The following FCSK variants were observed in gnomAD, a reference collection of about 807,000 sequenced individuals.
FCSK encodes the protein fucose kinase.
FCSK carries 123 observed loss-of-function variants against 122.5 expected under a neutral mutation model. The ratio of observed to expected loss-of-function variants is 1.00; its 90% CI spans 0.87 to 1.17. The LOEUF (loss-of-function observed/expected upper bound fraction) is 1.17. FCSK is among the 50% of genes most tolerant of loss of function. The pLI is 0.00. For missense variants in FCSK, 1,366 were observed against 1,450.4 expected, an observed-to-expected ratio of 0.94 and a Z score of 0.95; for synonymous variants, 620 against 625.5, an observed-to-expected ratio of 0.99 and a Z score of 0.13.
At chr16:70,469,029 A>C (rs1413314394) in intron 9 of FCSK, 61 bp downstream of exon 9, 1 of 1,607,632 alleles carries the variant, frequency 6.2e-7, no homozygotes, top group Admixed American at 1.7e-5. Context: ...GTGTGACCTC[A>C]GGCCAGCCAC....
intron 3 of FCSK, 131 bp downstream of exon 3, chr16:70,463,905 AT>A: frequency 2.0e-6 from 2 of 1,024,936 alleles, no homozygotes; most frequent in Non-Finnish European, 2.8e-6. Flanking sequence ...GTTTCTGTAA[AT>A]TGGGCGGACT....
At chr16:70,470,490 C>T (rs551890007) in intron 11 of FCSK, 64 bp downstream of exon 11, 28 of 1,029,436 alleles carry the variant, frequency 2.7e-5, no homozygotes, top group African/African-American at 1.4e-4. Flanking sequence ...TGTGGATTCC[C>T]GGGAAGAAAA....
At chr16:70,456,850 C>T (rs1255381468) in intron 1 of FCSK, among the ~76,000 whole-genome samples, 2 of 152,034 alleles carry the variant, frequency 1.3e-5, no homozygotes, top group Non-Finnish European at 2.9e-5. Flanking sequence ...GAAACCCCGT[C>T]TCTACTAAAA....
At chr16:70,476,029 G>GTCTTGC (rs1186666874) in intron 20 of FCSK, among the ~76,000 whole-genome samples, 1 of 150,178 alleles carries the variant, frequency 6.7e-6, no homozygotes, top group Non-Finnish European at 1.5e-5. Flanking sequence ...TTGAGACGGA[G>GTCTTGC]TCTTGCTCTG....
intron 14 of FCSK, 31 bp from the exon 15 acceptor site, chr16:70,472,952 C>T: frequency 6.3e-7 from 1 of 1,579,928 alleles, no homozygotes; most frequent in Non-Finnish European, 8.6e-7. Flanking sequence ...TTTTGCTTCC[C>T]TCCTGGGAAT....
At chr16:70,463,138 A>G in intron 1 of FCSK, 31 bp from the exon 2 acceptor site, 1 of 1,241,124 alleles carries the variant, frequency 8.1e-7, no homozygotes, top group Non-Finnish European at 1.2e-6. Context: ...GGTTTAAAAA[A>G]TAGTCACATC....
Position 70,470,365 on chromosome 16 carries a change from T to A in FCSK, c.1007T>A (p.Phe336Tyr), listed in dbSNP as rs2048572216. 6.2e-7 allele frequency: 1 copy of A among 1,613,872 alleles called. No individual in the cohort carries two copies. The highest frequency in any genetic ancestry group is 8.5e-7 in the Non-Finnish European group (1 of 1,179,990). ...YSYMTSSASE[F>Y]LLSLTLPGAP... ...TACATGACCTCCTCAGCCAGTGAGT[T>A]CCTGCTCAGCCTCACACTCCCCGGG... Residue 336 changes from phenylalanine to tyrosine, a missense_variant, in exon 11 of 24, where the codon TTC becomes TAC. Physicochemically the swap from Phe to Tyr is conservative, Grantham distance 22. Coordinates refer to ENST00000288078, the MANE Select transcript of FCSK (RefSeq NM_145059.3).
chr16:70,475,582 C>T lies in FCSK; in HGVS notation c.2522-66C>T, dbSNP rs190917203. 699 of 1,578,582 alleles carry T rather than the reference C, an allele frequency of 4.4e-4. 1 individual carries two copies. The highest frequency in any genetic ancestry group is 8.5e-4 in the Middle Eastern group (5 of 5,870). ...CCCCTTCCTGGCCTCTGCCCTTAGA[C>T]GGAGTCAGGCAGGCCTGGGCAGGGT... On this transcript the variant is annotated intron_variant, in intron 19 of 23. Transcript: ENST00000288078.
intron 20 of FCSK, 95 bp from the exon 21 acceptor site, chr16:70,478,177 C>T (rs905253583): frequency 7.9e-7 from 1 of 1,263,734 alleles, no homozygotes; most frequent in African/African-American, 1.5e-5. Flanking sequence ...TCTTTCCACA[C>T]TGGTCCCAGC....
At chr16:70,461,610 T>C (rs1295241979) in intron 1 of FCSK, among the ~76,000 whole-genome samples, 1 of 152,164 alleles carries the variant, frequency 6.6e-6, no homozygotes, top group Non-Finnish European at 1.5e-5. Context: ...AAGTGCCTGC[T>C]CCTGCAGCTC....
chr16:70,464,755 G>A (rs1597610953), intron 3 of FCSK, among the ~76,000 whole-genome samples: 1 of 151,774 alleles, frequency 6.6e-6, no homozygotes, highest in South Asian at 2.1e-4. Context: ...GTGCACACCT[G>A]TAGTCCCAGC....
At position 70,479,946 on chromosome 16, in the gene FCSK, A is replaced by G. The variant is rs1268616948; in HGVS notation, c.*266A>G. The G allele has an allele frequency of 6.2e-6, 2 of 321,018 alleles. No individual in the cohort carries two copies. Among genetic ancestry groups the G allele is most frequent in the Non-Finnish European group, 5.8e-6 (1 of 173,180 alleles). The allele number at this position is 321,018 out of a possible 1,614,324, so 19.9% of individuals were successfully genotyped here. A position where few individuals can be genotyped will look rare whatever the true frequency, so the allele number is the denominator to read the frequency against. Reference sequence around the variant, plus strand: ...ATCCCACGTGGCCTTTACAAATCCTATGGCTGGCCTTCTCATTCCACAAGG... The same window carrying G: ...ATCCCACGTGGCCTTTACAAATCCTGTGGCTGGCCTTCTCATTCCACAAGG... On this transcript the variant is annotated 3_prime_UTR_variant, in exon 24 of 24. Transcript: ENST00000288078.
chr16:70,457,652 GCAACCTCTGCCC>G (rs1381272944), intron 1 of FCSK, among the ~76,000 whole-genome samples: 44 of 152,026 alleles, frequency 2.9e-4, no homozygotes, highest in African/African-American at 1.0e-3. Context: ...CCAGTTTACT[GCAACCTCTGCCC>G]CCAGGGCTGA....
chr16:70,467,323 C>G, intron 6 of FCSK, 51 bp from the exon 7 acceptor site: 2 of 1,338,614 alleles, frequency 1.5e-6, no homozygotes, highest in Non-Finnish European at 2.1e-6. Flanking sequence ...TGGGGAAATC[C>G]GTGCCTTGGG....
rs763452579 is a variant in FCSK, at chr16:70,475,515, C to T, written c.2521+22C>T. The stretch of plus-strand genomic sequence containing the variant: ...CTGGGTGAGCGGGCCCTGCCTCCTG[C>T]TACCCACCGACTGTTACAGCCCTCC... On this transcript the variant is annotated intron_variant, in intron 19 of 23. Transcript: ENST00000288078. The T allele has an allele frequency of 2.5e-6, 4 of 1,600,398 alleles. No individual in the cohort carries two copies. The South Asian group carries it at 4.4e-5, about 18-fold the overall frequency.
At chr16:70,457,531 G>T (rs548341547) in intron 1 of FCSK, among the ~76,000 whole-genome samples, 1 of 151,798 alleles carries the variant, frequency 6.6e-6, no homozygotes, top group Admixed American at 6.6e-5. Context: ...CTGGGATTCC[G>T]GATGTGAGCT....
At position 70,473,865 on chromosome 16, in the gene FCSK, G is replaced by A. The variant is rs933417465; in HGVS notation, c.1778-264G>A. Among the ~76,000 whole-genome samples the A allele has an allele frequency of 9.2e-5, 14 of 152,188 alleles. No individual in the cohort carries two copies. The highest frequency in any genetic ancestry group is 3.1e-4 in the African/African-American group (13 of 41,442). ...TGAGGCTGAGACCTGAGCCCAGGTG[G>A]TTTGAGCCCAGAGCCTGAGCTCTTC... On this transcript the variant is annotated intron_variant, in intron 15 of 23. Coordinates refer to ENST00000288078, the MANE Select transcript of FCSK (RefSeq NM_145059.3). This position sits in a 1 kb window ranked among gnomAD's most constrained non-coding sequence, Gnocchi z 4.9.
At chr16:70,466,745 A>G (rs1440200658) in intron 5 of FCSK, 137 bp from the exon 6 acceptor site, 3 of 682,172 alleles carry the variant, frequency 4.4e-6, no homozygotes, top group Non-Finnish European at 7.5e-6. Context: ...TTGTAAACCC[A>G]GGTCAGAGAG....
At chr16:70,455,216 A>C (rs1376312128) in intron 1 of FCSK, among the ~76,000 whole-genome samples, 2 of 152,322 alleles carry the variant, frequency 1.3e-5, no homozygotes, top group East Asian at 1.9e-4. Context: ...AAGAGTTCTT[A>C]GTACTTTATT....
Sources: gnomAD v4.1 joint callset for allele counts (sites outside exome capture counted in the v4.1 genomes callset) on GRCh38, gnomAD v4.1.1 for gene constraint, Gnocchi (gnomAD v3.1) non-coding constraint, MANE v1.5 for transcripts, NCBI Gene and HGNC (gene_info 2026-07-23, HGNC 2026-07-21) for gene names.